Variants in SLC66A2 observed in about 807,000 individuals in gnomAD.
SLC66A2 encodes the protein solute carrier family 66 member 2, also known as PQ loop repeat containing 1.
A neutral mutation model predicts 25.5 loss-of-function variants in SLC66A2; 23 were observed. The ratio of observed to expected loss-of-function variants is 0.90; its 90% CI spans 0.65 to 1.28. SLC66A2 has a LOEUF of 1.28. SLC66A2 is among the 50% of genes most tolerant of loss of function. The probability of loss-of-function intolerance (pLI) is 0.00; values close to 1 mark genes in which losing one functional copy is unlikely to be tolerated. For synonymous variants in SLC66A2, 193 were observed against 166.5 expected (o/e 1.16, Z -1.23); for missense variants, 396 against 373.1 (o/e 1.06, Z -0.51).
At chr18:79,947,741 C>T in intron 2 of SLC66A2, among the ~76,000 whole-genome samples, 1 of 151,656 alleles carries the variant, frequency 6.6e-6, no homozygotes, top group Middle Eastern at 3.2e-3. Context: ...CGTGTCACTT[C>T]TGCTAAAGCA....
intron 4 of SLC66A2, among the ~76,000 whole-genome samples, chr18:79,931,033 A>C (rs1986520253): frequency 6.6e-6 from 1 of 152,222 alleles, no homozygotes; most frequent in Non-Finnish European, 1.5e-5. Flanking sequence ...GTTAAGATGA[A>C]TATTGTAAGC....
At chr18:79,932,488 A>T (rs1357296796) in intron 4 of SLC66A2, among the ~76,000 whole-genome samples, 10 of 152,008 alleles carry the variant, frequency 6.6e-5, no homozygotes, top group Admixed American at 6.6e-4. Flanking sequence ...AGAAAGAAAG[A>T]AAGAAAGAAA....
At chr18:79,916,054 T>TACCCAC (rs1983996921) in intron 5 of SLC66A2, 3 of 154,214 alleles carry the variant, frequency 1.9e-5, no homozygotes, top group African/African-American at 1.1e-4. Flanking sequence ...CCCGTACCCA[T>TACCCAC]GGCGCTCCCA....
intron 5 of SLC66A2, among the ~76,000 whole-genome samples, chr18:79,912,869 C>T (rs937721048): frequency 6.6e-6 from 1 of 152,158 alleles, no homozygotes; most frequent in Non-Finnish European, 1.5e-5. Context: ...GTGCAGCACT[C>T]ACTCCACTCA....
Position 79,920,333 on chromosome 18 carries a change from A to G in SLC66A2, c.392-933T>C, listed in dbSNP as rs62636875. Among the ~76,000 whole-genome samples, 5 of 4,482 alleles carry G rather than the reference A, an allele frequency of 1.1e-3. 1 individual carries two copies. Among genetic ancestry groups the G allele is most frequent in the Non-Finnish European group, 6.6e-3 (2 of 302 alleles). 2.9% of individuals were successfully genotyped at this position (4,482 alleles called of 152,430 possible). ...GAGACAGGAACCGAGGGAGAGGTCA[A>G]GGTCAGTGAGGAGAGACGGGAACCG... On this transcript the variant is annotated intron_variant, in intron 4 of 5. Transcript: ENST00000397778.
chr18:79,913,879 G>A (rs950544852), intron 5 of SLC66A2, among the ~76,000 whole-genome samples: 3 of 152,188 alleles, frequency 2.0e-5, no homozygotes, highest in Non-Finnish European at 2.9e-5. Flanking sequence ...AGGCTGTCAC[G>A]TTTCAGGCTC....
intron 2 of SLC66A2, chr18:79,945,078 G>GC (rs1462692104): frequency 1.3e-5 from 2 of 152,536 alleles, no homozygotes; most frequent in East Asian, 3.8e-4. Context: ...GAACCCTATA[G>GC]CCCCCTCAGC....
intron 5 of SLC66A2, among the ~76,000 whole-genome samples, chr18:79,913,624 C>T (rs1193465447): frequency 6.6e-6 from 1 of 152,230 alleles, no homozygotes; most frequent in Admixed American, 6.5e-5. Flanking sequence ...CGCATGGAGG[C>T]AACTGTGCAT....
intron 5 of SLC66A2, among the ~76,000 whole-genome samples, chr18:79,914,184 G>GT (rs1396583018): frequency 1.3e-5 from 2 of 152,208 alleles, no homozygotes; most frequent in African/African-American, 4.8e-5. Flanking sequence ...GATTACAGGC[G>GT]TGAGCCACCG....
At chr18:79,906,826 GACTTCCAGGC>G (rs1402012187) in intron 5 of SLC66A2, among the ~76,000 whole-genome samples, 3 of 152,210 alleles carry the variant, frequency 2.0e-5, no homozygotes, top group Non-Finnish European at 4.4e-5. Flanking sequence ...TGACCTTATG[GACTTCCAGGC>G]TCTGGGGTTC....
chr18:79,907,019 C>T lies in SLC66A2; in HGVS notation c.609-2836G>A, dbSNP rs149771998. Among the ~76,000 whole-genome samples, 21 of 152,372 alleles carry T rather than the reference C, an allele frequency of 1.4e-4. 1 individual carries two copies. Among genetic ancestry groups the T allele is most frequent in the Admixed American group, 5.9e-4 (9 of 15,306 alleles). ...ATCTCTCACTGCATGGCCTCCTGGT[C>T]AATACATCCTGCACCCCAGCATCCG... is the stretch of plus-strand genomic sequence containing the variant. On this transcript the variant is annotated intron_variant, in intron 5 of 5. Transcript: ENST00000397778.
In SLC66A2 at chr18:79,917,955, T is replaced by G. The variant is rs1458025932; in HGVS notation, c.608+1229A>C. On this transcript the variant is annotated intron_variant, in intron 5 of 5. Transcript: ENST00000397778. This position sits in a 1 kb window ranked among gnomAD's most constrained non-coding sequence, Gnocchi z 6.0. ...CATACCCCACACCCCAGCCCACACC[T>G]ACACTTCACATCTGTGCCTATGTCC... is the stretch of plus-strand genomic sequence containing the variant. Among the ~76,000 whole-genome samples the G allele has an allele frequency of 6.7e-6, 1 of 150,340 alleles. No homozygotes were observed. Among genetic ancestry groups the G allele is most frequent in the African/African-American group, 2.5e-5 (1 of 40,568 alleles).
intron 4 of SLC66A2, among the ~76,000 whole-genome samples, chr18:79,930,055 T>C (rs1986405999): frequency 6.6e-6 from 1 of 152,096 alleles, no homozygotes; most frequent in African/African-American, 2.4e-5. Context: ...ATAATGACTT[T>C]TGAAAACTTC....
At chr18:79,909,899 C>G (rs1459144968) in intron 5 of SLC66A2, among the ~76,000 whole-genome samples, 8 of 139,250 alleles carry the variant, frequency 5.7e-5, no homozygotes, top group Non-Finnish European at 1.2e-4. Flanking sequence ...CACACCCTCA[C>G]CATAGAGTCC....
intron 4 of SLC66A2, among the ~76,000 whole-genome samples, chr18:79,926,131 G>A (rs1178813229): frequency 6.6e-6 from 1 of 152,216 alleles, no homozygotes; most frequent in Non-Finnish European, 1.5e-5. Flanking sequence ...CTAAAAAGGG[G>A]AGGCATGAAT....
At chr18:79,910,267 C>A (rs1173947450) in intron 5 of SLC66A2, among the ~76,000 whole-genome samples, 2 of 113,196 alleles carry the variant, frequency 1.8e-5, no homozygotes, top group Non-Finnish European at 3.6e-5. Context: ...CCATCTCACA[C>A]CAGAGTCCCC....
chr18:79,903,773 T>A lies in SLC66A2; in HGVS notation c.*203A>T, dbSNP rs1981583090. The A allele has an allele frequency of 1.8e-6, 1 of 551,200 alleles. No homozygotes were observed. Among genetic ancestry groups the A allele is most frequent in the Non-Finnish European group, 3.2e-6 (1 of 316,972 alleles). The allele number at this position is 551,200 out of a possible 1,614,324, so 34.1% of individuals were successfully genotyped here. A position where few individuals can be genotyped will look rare whatever the true frequency, so the allele number is the denominator to read the frequency against. ...CCCTCGGGGCCAGATCAACCCTGGC[T>A]GTCCCCGCTGAGCACAAACAGCGTC... On this transcript the variant is annotated 3_prime_UTR_variant, in exon 6 of 6. Transcript: ENST00000397778.
rs936719152 is a variant in SLC66A2, at chr18:79,951,144, G to C, written c.-99-119C>G. The stretch of plus-strand genomic sequence containing the variant: ...GGCAGAGCGGGGGCGACCGGGGCCC[G>C]GGGCGCGCGAGGAGCGGCCCCTGCC... On this transcript the variant is annotated intron_variant, in intron 1 of 5. Coordinates refer to ENST00000397778, the MANE Select transcript of SLC66A2 (RefSeq NM_025078.5). 7.8e-5 allele frequency: 19 copies of C among 244,354 alleles called. 1 individual carries two copies. The highest frequency in any genetic ancestry group is 1.2e-4 in the Non-Finnish European group (16 of 129,786). 15.1% of individuals were successfully genotyped at this position (244,354 alleles called of 1,614,324 possible).
chr18:79,911,626 A>C (rs979879987), intron 5 of SLC66A2, among the ~76,000 whole-genome samples: 4 of 152,200 alleles, frequency 2.6e-5, no homozygotes, highest in Non-Finnish European at 4.4e-5. Flanking sequence ...GGGACATTCC[A>C]GCTGCCGGGA....
Sources: allele counts gnomAD v4.1 joint callset (sites outside exome capture counted in the v4.1 genomes callset), GRCh38; gene constraint gnomAD v4.1.1; non-coding constraint Gnocchi (gnomAD v3.1); transcripts MANE v1.5; gene names NCBI Gene and HGNC (gene_info 2026-07-23, HGNC 2026-07-21).